AGO2: variants seen among roughly 807,000 people sequenced by gnomAD.
AGO2 encodes the protein protein argonaute-2.
Under a neutral mutation model 102.3 loss-of-function variants are expected in AGO2, and 5 were observed. The ratio of observed to expected loss-of-function variants is 0.05; its 90% confidence interval spans 0.03 to 0.10. AGO2 has a LOEUF of 0.10. Ranked by LOEUF, AGO2 falls within the 10% of genes least tolerant of loss-of-function variation. The pLI, the probability that AGO2 is intolerant of heterozygous loss-of-function variation, is 1.00. For synonymous variants in AGO2, 449 were observed against 473.1 expected (o/e 0.95, Z 0.66); for missense variants, 541 against 1,183.7 (o/e 0.46, Z 7.97).
rs752486186 is a variant in AGO2, at chr8:140,527,495, TAA to T, written c.*4547_*4548del. 6.5e-6 allele frequency: 1 copy of T among 153,030 alleles called. No individual in the cohort carries two copies. The highest frequency in any genetic ancestry group is 1.5e-5 in the Non-Finnish European group (1 of 68,010). The allele number at this position is 153,030 out of a possible 1,614,324, so 9.5% of individuals were successfully genotyped here. ...TATTTTGAGTCGAAGATTTTCCTCA[TAA>T]AAAAGAGTCAGCGTGTGTGTGTGTA... On this transcript the variant is annotated 3_prime_UTR_variant, in exon 19 of 19. Transcript: ENST00000220592. The surrounding 1 kb of genome is among the most constrained non-coding windows in gnomAD (Gnocchi z 6.0).
chr8:140,595,411 T>C (rs935471726), intron 1 of AGO2, among the ~76,000 whole-genome samples: 1 of 151,988 alleles, frequency 6.6e-6, no homozygotes, highest in Non-Finnish European at 1.5e-5. Context: ...GGTCAAGCTA[T>C]AGTCTTTCCA....
intron 12 of AGO2, among the ~76,000 whole-genome samples, chr8:140,548,894 T>C (rs1175862787): frequency 1.3e-5 from 2 of 152,360 alleles, no homozygotes; most frequent in East Asian, 3.9e-4. Context: ...GGGTGCTGAC[T>C]GCCCAGGACC....
Position 140,597,485 on chromosome 8 carries a change from C to G in AGO2, c.23-12174G>C, listed in dbSNP as rs1218956505. Among the ~76,000 whole-genome samples the G allele has an allele frequency of 2.3e-4, 32 of 139,544 alleles. 3 individuals are homozygous for G. The highest frequency in any genetic ancestry group is 1.1e-3 in the Admixed American group (16 of 14,158). The allele number at this position is 139,544 out of a possible 152,430, so 91.5% of individuals were successfully genotyped here. ...TGGGTGGCCCCCCCACCCCCCCCCC[C>G]CCGCCCCAGGCCTCCCTGCCTGAGT... On this transcript the variant is annotated intron_variant, in intron 1 of 18. Coordinates refer to ENST00000220592, the MANE Select transcript of AGO2 (RefSeq NM_012154.5).
chr8:140,572,991 G>A, intron 2 of AGO2, 59 bp from the exon 3 acceptor site: 1 of 1,549,028 alleles, frequency 6.5e-7, no homozygotes, highest in Non-Finnish European at 8.7e-7. Context: ...TGGCATACAA[G>A]GACATTTTTC....
intron 13 of AGO2, among the ~76,000 whole-genome samples, chr8:140,544,770 A>G (rs1196909672): frequency 6.6e-6 from 1 of 152,202 alleles, no homozygotes; most frequent in Non-Finnish European, 1.5e-5. Context: ...GTAGCACTCC[A>G]TCAAGCCTGA....
upstream of AGO2, among the ~76,000 whole-genome samples, chr8:140,639,867 G>T (rs527378000): frequency 1.3e-5 from 2 of 152,214 alleles, no homozygotes; most frequent in Non-Finnish European, 2.9e-5. Context: ...TTGCAGGATA[G>T]GGTGGAGGGG....
the AGO2 span, among the ~76,000 whole-genome samples, chr8:140,642,061 A>G: frequency 1.3e-5 from 2 of 150,334 alleles, no homozygotes; most frequent in East Asian, 1.9e-4. Flanking sequence ...AAGAAAAAGG[A>G]AAAAAAAAGA....
chr8:140,538,604 C>T (rs996005901), intron 16 of AGO2, among the ~76,000 whole-genome samples: 1 of 152,218 alleles, frequency 6.6e-6, no homozygotes, highest in South Asian at 2.1e-4. Context: ...ACCTCTCCTC[C>T]CCTCCTCAGC....
rs1185404860 is a variant in AGO2 at position 140,549,186 on chromosome 8, G to A, written c.1516C>T (p.Arg506Trp). The change falls in exon 12 of 19, where the codon CGG (arginine) becomes TGG (tryptophan). Residue 506 changes from arginine to tryptophan, a missense_variant. Physicochemically the swap from Arg to Trp is moderately radical, Grantham distance 101. This residue lies in a region of AGO2 where 309 missense variants were observed against 735.1 expected (regional missense o/e 0.42). Transcript: ENST00000220592. Reference sequence around the variant, plus strand: ...CCCGCATACGTGTTCTTCAGGTGCCGGAACATGGGCTCCACGCTGTCCGCC... The same window carrying A: ...CCCGCATACGTGTTCTTCAGGTGCCAGAACATGGGCTCCACGCTGTCCGCC... ...QGADSVEPMF[R>W]HLKNTYAGLQ... The A allele has an allele frequency of 6.2e-7, 1 of 1,613,654 alleles. No homozygotes were observed. Among genetic ancestry groups the A allele is most frequent in the Non-Finnish European group, 8.5e-7 (1 of 1,179,890 alleles).
Position 140,635,370 on chromosome 8 carries a change from C to T in AGO2, c.22+115G>A, listed in dbSNP as rs867609638. 83 of 702,820 alleles carry T rather than the reference C, an allele frequency of 1.2e-4. 2 individuals are homozygous for T. In the South Asian group the frequency reaches 4.3e-3, roughly 37 times the overall value. 43.5% of individuals were successfully genotyped at this position (702,820 alleles called of 1,614,324 possible). The stretch of plus-strand genomic sequence containing the variant: ...CCGGCTCGCCCGCCCCCGGCCCCCG[C>T]CGCCCCGACCCCGCGGCCCCCCGAT... On this transcript the variant is annotated intron_variant, in intron 1 of 18. Coordinates refer to ENST00000220592, the MANE Select transcript of AGO2 (RefSeq NM_012154.5).
rs191588183 is a variant in AGO2, at chr8:140,527,713, A to G, written c.*4331T>C. On this transcript the variant is annotated 3_prime_UTR_variant, in exon 19 of 19. Transcript: ENST00000220592. The surrounding 1 kb of genome is among the most constrained non-coding windows in gnomAD (Gnocchi z 6.0). ...GAGCACTGAGGAAGTTTCTGTTTCT[A>G]TTTATTGTACATTCCTTTTCTCATG... 1 of 151,512 alleles carries G rather than the reference A, an allele frequency of 6.6e-6. No individual in the cohort carries two copies. Among genetic ancestry groups the G allele is most frequent in the Admixed American group, 6.5e-5 (1 of 15,270 alleles). The allele number at this position is 151,512 out of a possible 1,614,324, so 9.4% of individuals were successfully genotyped here.
chr8:140,560,313 C>T, intron 5 of AGO2, 61 bp downstream of exon 5: 1 of 1,580,094 alleles, frequency 6.3e-7, no homozygotes, highest in East Asian at 2.3e-5. Flanking sequence ...CGACCGGGGT[C>T]CTGACCCCCC....
Position 140,530,088 on chromosome 8 carries a change from T to TAAAAAA in AGO2, c.*1950_*1955dup. ...GGGAGCTTCTGTCATTTAAAAAGAT[T>TAAAAAA]AAAAAAAAATACAGCCAGAAGAGAC... is the stretch of plus-strand genomic sequence containing the variant. On this transcript the variant is annotated 3_prime_UTR_variant, in exon 19 of 19. Transcript: ENST00000220592. 1 of 150,640 alleles carries TAAAAAA rather than the reference T, an allele frequency of 6.6e-6. No homozygotes were observed. Among genetic ancestry groups the TAAAAAA allele is most frequent in the African/African-American group, 2.4e-5 (1 of 40,840 alleles). 9.3% of individuals were successfully genotyped at this position (150,640 alleles called of 1,614,324 possible).
chr8:140,531,952 G>T lies in AGO2; in HGVS notation c.*92C>A. 1.9e-6 allele frequency: 2 copies of T among 1,060,616 alleles called. No homozygotes were observed. Among genetic ancestry groups the T allele is most frequent in the Non-Finnish European group, 2.9e-6 (2 of 690,598 alleles). 65.7% of individuals were successfully genotyped at this position (1,060,616 alleles called of 1,614,324 possible). A position where few individuals can be genotyped will look rare whatever the true frequency, so the allele number is the denominator to read the frequency against. On this transcript the variant is annotated 3_prime_UTR_variant, in exon 19 of 19. Transcript: ENST00000220592. ...TCAATGACGTCTCATGTTCGATGCT[G>T]GCTGTCACGGAAGGGCTGGCCATCT...
chr8:140,608,207 G>A (rs1460960883), intron 1 of AGO2, among the ~76,000 whole-genome samples: 4 of 152,168 alleles, frequency 2.6e-5, no homozygotes, highest in Admixed American at 6.5e-5. Flanking sequence ...ATAACCTGTC[G>A]GAGGTGGATG....
At chr8:140,579,992 G>A (rs1281955917) in intron 2 of AGO2, among the ~76,000 whole-genome samples, 1 of 110,488 alleles carries the variant, frequency 9.1e-6, no homozygotes, top group East Asian at 2.0e-4. Context: ...GAGGGGCAGG[G>A]GAAGGGAGAG....
chr8:140,629,678 C>T (rs956389036), intron 1 of AGO2, among the ~76,000 whole-genome samples: 1 of 151,724 alleles, frequency 6.6e-6, no homozygotes, highest in African/African-American at 2.4e-5. Flanking sequence ...CGTCTCTCCA[C>T]AAACTTAGCT....
intron 1 of AGO2, among the ~76,000 whole-genome samples, chr8:140,634,924 G>A (rs935650001): frequency 1.1e-4 from 17 of 152,100 alleles, no homozygotes; most frequent in Admixed American, 2.6e-4. Context: ...AACGGAGCGC[G>A]CCACAGACTC....
chr8:140,551,395 C>A lies in AGO2; in HGVS notation c.1311G>T (p.Met437Ile). ...IATPVQGVWD[M>I]RNKQFHTGIE... ...TGCCCGTGTGGAACTGCTTGTTCCG[C>A]ATGTCCCAGACGCCCTGGACAGGGG... Residue 437 changes from methionine (M) to isoleucine (I), a missense_variant, in exon 11 of 19, where the codon ATG becomes ATT. Coordinates refer to ENST00000220592, the MANE Select transcript of AGO2 (RefSeq NM_012154.5). The A allele has an allele frequency of 6.3e-7, 1 of 1,595,884 alleles. No individual in the cohort carries two copies. The highest frequency in any genetic ancestry group is 8.6e-7 in the Non-Finnish European group (1 of 1,168,142).
Sources: gnomAD v4.1 joint callset for allele counts (sites outside exome capture counted in the v4.1 genomes callset) on GRCh38, gnomAD v4.1.1 for gene constraint, gnomAD v4.1.1 regional missense constraint, Gnocchi (gnomAD v3.1) non-coding constraint, MANE v1.5 for transcripts, NCBI Gene and HGNC (gene_info 2026-07-23, HGNC 2026-07-21) for gene names.